The following HMSD variants were observed in gnomAD, a reference collection of about 807,000 sequenced individuals.
HMSD encodes serpin-like protein HMSD.
HMSD carries 13 observed loss-of-function variants against 10.0 expected under a neutral mutation model. The observed-to-expected ratio is 1.31, with a 90% CI of 0.85 to 2.08. The LOEUF (loss-of-function observed/expected upper bound fraction) is 2.08, where lower values mean the gene tolerates loss of function less well. HMSD is among the 30% of genes most tolerant of loss of function. The pLI is 0.00. For synonymous variants in HMSD, 51 were observed against 54.2 expected (o/e 0.94, Z 0.26); for missense variants, 169 against 166.3 (o/e 1.02, Z -0.09).
intron 3 of HMSD, among the ~76,000 whole-genome samples, chr18:63,957,889 A>ATTACAT (rs1341797162): frequency 6.6e-6 from 1 of 152,204 alleles, no homozygotes; most frequent in Non-Finnish European, 1.5e-5. Context: ...GCAATATATA[A>ATTACAT]TTACATGTTC....
At chr18:63,951,137 A>G (rs1265610303) in intron 1 of HMSD, among the ~76,000 whole-genome samples, 1 of 152,206 alleles carries the variant, frequency 6.6e-6, no homozygotes, top group Non-Finnish European at 1.5e-5. Flanking sequence ...TCAGTTTATT[A>G]TTGTACAAAT....
chr18:63,963,584 G>T (rs2050399309), downstream of HMSD, among the ~76,000 whole-genome samples: 2 of 152,132 alleles, frequency 1.3e-5, no homozygotes, highest in East Asian at 3.9e-4. Flanking sequence ...TTTTACCAGT[G>T]AATTCCTTAG....
At position 63,949,364 on chromosome 18, in the gene HMSD, C is replaced by G. The variant is rs1427808398; in HGVS notation, c.-139C>G. The G allele has an allele frequency of 6.6e-6, 1 of 152,380 alleles. No homozygotes were observed. The highest frequency in any genetic ancestry group is 1.5e-5 in the Non-Finnish European group (1 of 68,180). 9.4% of individuals were successfully genotyped at this position (152,380 alleles called of 1,614,324 possible). A position where few individuals can be genotyped will look rare whatever the true frequency, so the allele number is the denominator to read the frequency against. The stretch of plus-strand genomic sequence containing the variant: ...TCTATTCCCGCCTCTCCGACCCGGT[C>G]TCACTTCGCTCCTGGGCAGCTGCGC... On this transcript the variant is annotated 5_prime_UTR_variant, in exon 1 of 4. Coordinates refer to ENST00000408945, the MANE Select transcript of HMSD (RefSeq NM_001123366.2).
chr18:63,958,787 A>T (rs944646651), intron 3 of HMSD, among the ~76,000 whole-genome samples: 7 of 152,086 alleles, frequency 4.6e-5, no homozygotes, highest in Non-Finnish European at 7.4e-5. Context: ...CAGATTTACA[A>T]CATTTTCATC....
chr18:63,950,471 A>G (rs926820584), intron 1 of HMSD, among the ~76,000 whole-genome samples: 1 of 150,750 alleles, frequency 6.6e-6, no homozygotes, highest in African/African-American at 2.4e-5. Context: ...GAGGCAGGAA[A>G]TAATTTCAAT....
downstream of HMSD, among the ~76,000 whole-genome samples, chr18:63,964,708 G>A (rs763333174): frequency 1.7e-4 from 26 of 152,142 alleles, no homozygotes; most frequent in Non-Finnish European, 3.4e-4. Flanking sequence ...CACATGGCAG[G>A]GAGAGCAATT....
At chr18:63,954,588 A>G (rs1448460827) in intron 3 of HMSD, 31 bp downstream of exon 3, 2 of 1,588,156 alleles carry the variant, frequency 1.3e-6, no homozygotes, top group Non-Finnish European at 1.7e-6. Flanking sequence ...AGGAAAATAA[A>G]GATAGCAATG....
Position 63,960,486 on chromosome 18 carries a change from G to A in HMSD, c.*131G>A. ...AAGTATCTGTGATGTCTCTCTAGAT[G>A]AAATAATCTCTTCCAGGTTTTTTTG... On this transcript the variant is annotated 3_prime_UTR_variant, in exon 4 of 4. Transcript: ENST00000408945. 2.3e-6 allele frequency: 3 copies of A among 1,303,430 alleles called. No individual in the cohort carries two copies. Among genetic ancestry groups the A allele is most frequent in the Admixed American group, 3.4e-5 (1 of 29,638 alleles). 80.7% of individuals were successfully genotyped at this position (1,303,430 alleles called of 1,614,324 possible). A position where few individuals can be genotyped will look rare whatever the true frequency, so the allele number is the denominator to read the frequency against.
chr18:63,968,070 C>T (rs1266367006), intron 3 of HMSD: 2 of 152,186 alleles, frequency 1.3e-5, no homozygotes, highest in Non-Finnish European at 2.9e-5. Context: ...TTTGATTCTT[C>T]CTGCTCCCTC....
Position 63,955,696 on chromosome 18 carries a change from C to CAAAAGGGGTAGTGAAA in HMSD, c.222+1154_222+1155insAAAAAGGGGTAGTGAA, listed in dbSNP as rs1463111874. On this transcript the variant is annotated intron_variant, in intron 3 of 3. Coordinates refer to ENST00000408945, the MANE Select transcript of HMSD (RefSeq NM_001123366.2). ...TGATGCTGGCGTCACCGAGAGGAAA[C>CAAAAGGGGTAGTGAAA]AAAAGGGGTAGTGAACACTGACCCT... Among the ~76,000 whole-genome samples the CAAAAGGGGTAGTGAAA allele has an allele frequency of 5.9e-5, 9 of 152,226 alleles. No individual in the cohort carries two copies. The East Asian group carries it at 1.7e-3, about 29-fold the overall frequency.
chr18:63,953,618 C>A, intron 2 of HMSD, 91 bp downstream of exon 2: 2 of 1,008,650 alleles, frequency 2.0e-6, no homozygotes, highest in South Asian at 1.4e-5. Flanking sequence ...GAAATTCCTC[C>A]TTTAACAGAC....
chr18:63,963,110 TTTCTTTCTTTCTTTC>T (rs2050395261), downstream of HMSD, among the ~76,000 whole-genome samples: 1 of 139,312 alleles, frequency 7.2e-6, no homozygotes, highest in Non-Finnish European at 1.6e-5. Context: ...TCTTTCTTTC[TTTCTTTCTTTCTTTC>T]TTTCTTTCCT....
intron 3 of HMSD, chr18:63,968,448 C>A (rs927682768): frequency 6.6e-6 from 1 of 152,256 alleles, no homozygotes; most frequent in African/African-American, 2.4e-5. Context: ...ACTATCTGTA[C>A]CACTGCAGGC....
chr18:63,964,278 G>C (rs1021782461), downstream of HMSD, among the ~76,000 whole-genome samples: 26 of 152,198 alleles, frequency 1.7e-4, no homozygotes, highest in African/African-American at 6.3e-4. Context: ...CCAGCACTTT[G>C]GGAAGCCAAG....
downstream of HMSD, among the ~76,000 whole-genome samples, chr18:63,963,273 T>C (rs1052756760): frequency 4.7e-5 from 7 of 148,850 alleles, no homozygotes. Context: ...CTTTCCTTGC[T>C]TCCTTCCTTC....
At chr18:63,955,440 A>G (rs1344999113) in intron 3 of HMSD, among the ~76,000 whole-genome samples, 1 of 152,120 alleles carries the variant, frequency 6.6e-6, no homozygotes. Flanking sequence ...TTTTGTGCAT[A>G]TGTGTATGAG....
At chr18:63,956,402 C>T (rs1220736233) in intron 3 of HMSD, among the ~76,000 whole-genome samples, 4 of 151,876 alleles carry the variant, frequency 2.6e-5, no homozygotes, top group African/African-American at 4.8e-5. Flanking sequence ...CAACACAACT[C>T]CATTAAAAAG....
chr18:63,954,267 CTCTA>C (rs1206744086), intron 2 of HMSD, 137 bp from the exon 3 acceptor site: 1 of 649,680 alleles, frequency 1.5e-6, no homozygotes, highest in Non-Finnish European at 2.6e-6. Flanking sequence ...TTGAGACACT[CTCTA>C]TCTTTTATTA....
rs775452043 is a variant in HMSD, at chr18:63,953,490, TG to T, written c.40del (p.Ala14GlnfsTer75). 3.7e-6 allele frequency: 6 copies of T among 1,613,858 alleles called. No homozygotes were observed. In the African/African-American group the frequency reaches 5.3e-5, roughly 14 times the overall value. ...SISSALAMVF[M>X]GAKGNTAAQM... is the part of the protein sequence containing the mutation. ...TCATCAGCCTTGGCCATGGTTTTCA[TG>T]GGGGCAAAGGGAAACACTGCAGCTC... On this transcript the variant is annotated frameshift_variant, in exon 2 of 4. Transcript: ENST00000408945. LOFTEE classifies it high-confidence loss of function.
Sources: allele counts gnomAD v4.1 joint callset (sites outside exome capture counted in the v4.1 genomes callset), GRCh38; gene constraint gnomAD v4.1.1; transcripts MANE v1.5; gene names NCBI Gene and HGNC (gene_info 2026-07-23, HGNC 2026-07-21).